TTC28: variants seen among roughly 807,000 people sequenced by gnomAD.
TTC28 encodes tetratricopeptide repeat protein 28.
TTC28 carries 61 observed loss-of-function variants against 198.0 expected under a neutral mutation model. That is an observed-to-expected ratio of 0.31 (90% CI 0.25 to 0.38). The LOEUF (loss-of-function observed/expected upper bound fraction) is 0.38. TTC28 is among the 10% of genes least tolerant of loss of function. The pLI is 1.00. For synonymous variants in TTC28, 1,171 were observed against 1,297.8 expected, an observed-to-expected ratio of 0.90 and a Z score of 2.10; for missense variants, 2,678 against 3,164.0, an observed-to-expected ratio of 0.85 and a Z score of 3.69.
In TTC28 at chr22:27,998,829, G is replaced by A. The variant is rs748297646; in HGVS notation, c.4830C>T (p.Asp1610=). Residue 1610 remains aspartate (D), a synonymous_variant, in exon 16 of 23, where the codon GAC becomes GAT. Transcript: ENST00000397906. ...TCACAGGCAGCTGCAGGTCCAGGAC[G>A]TCGGCGGCAGTAAGCAGCAGCTCCT... ...PLQELLLTAA[D]VLDLQLPVKL... 31 of 1,550,260 alleles carry A rather than the reference G, an allele frequency of 2.0e-5. No individual in the cohort carries two copies. The highest frequency in any genetic ancestry group is 1.6e-4 in the Admixed American group (8 of 50,992).
intron 5 of TTC28, among the ~76,000 whole-genome samples, chr22:28,217,481 T>G (rs1234517937): frequency 2.0e-5 from 3 of 152,200 alleles, no homozygotes; most frequent in Admixed American, 6.5e-5. Flanking sequence ...TATAATCTCC[T>G]AATATCAGGA....
At chr22:28,547,437 A>G (rs2049569304) in intron 2 of TTC28, among the ~76,000 whole-genome samples, 1 of 152,232 alleles carries the variant, frequency 6.6e-6, no homozygotes, top group African/African-American at 2.4e-5. Flanking sequence ...TCATTTCAAC[A>G]AAGTGGTTCT....
intron 2 of TTC28, among the ~76,000 whole-genome samples, chr22:28,310,861 C>T (rs958854556): frequency 6.6e-6 from 1 of 151,548 alleles, no homozygotes; most frequent in African/African-American, 2.4e-5. Context: ...CTCGCTGCAA[C>T]CTCCACCTCC....
chr22:28,604,295 A>T (rs1002122869), intron 2 of TTC28, among the ~76,000 whole-genome samples: 1 of 100,722 alleles, frequency 9.9e-6, no homozygotes, highest in Non-Finnish European at 2.0e-5. Flanking sequence ...AAAAAAAAAA[A>T]ATTATATATA....
intron 1 of TTC28, among the ~76,000 whole-genome samples, chr22:28,656,028 A>G (rs1324541941): frequency 6.6e-6 from 1 of 152,188 alleles, no homozygotes; most frequent in African/African-American, 2.4e-5. Context: ...GAATTTGTTA[A>G]CTGAGTTTGA....
chr22:28,154,614 C>G (rs1030221868), intron 6 of TTC28, among the ~76,000 whole-genome samples: 1 of 152,004 alleles, frequency 6.6e-6, no homozygotes, highest in African/African-American at 2.4e-5. Context: ...CCTCGGCCTC[C>G]CAAAGTGCTG....
intron 5 of TTC28, among the ~76,000 whole-genome samples, chr22:28,199,629 A>T (rs944803759): frequency 6.7e-6 from 1 of 149,336 alleles, no homozygotes; most frequent in Non-Finnish European, 1.5e-5. Flanking sequence ...TATGTTCATA[A>T]AACAAGCTCT....
chr22:28,457,860 G>A (rs951487674), intron 2 of TTC28, among the ~76,000 whole-genome samples: 8 of 151,878 alleles, frequency 5.3e-5, no homozygotes, highest in Admixed American at 2.6e-4. Context: ...AATTAACATC[G>A]TATTGTCCAG....
intron 6 of TTC28, among the ~76,000 whole-genome samples, chr22:28,151,858 G>A (rs6005726): frequency 0.038 from 5,828 of 152,164 alleles, 142 homozygotes; most frequent in East Asian, 0.053. Context: ...GCCCTTAATA[G>A]GAACTGCTTT....
chr22:28,405,221 C>T (rs1233366014), intron 2 of TTC28, among the ~76,000 whole-genome samples: 1 of 152,044 alleles, frequency 6.6e-6, no homozygotes, highest in Non-Finnish European at 1.5e-5. Flanking sequence ...TTAAAACATC[C>T]TATATACCTA....
chr22:28,217,253 CCTA>C (rs1313999855), intron 5 of TTC28, among the ~76,000 whole-genome samples: 1 of 151,732 alleles, frequency 6.6e-6, no homozygotes, highest in Non-Finnish European at 1.5e-5. Flanking sequence ...AATATATATA[CCTA>C]CTATGCACAT....
At chr22:28,633,242 T>C (rs901092052) in intron 1 of TTC28, among the ~76,000 whole-genome samples, 1 of 146,900 alleles carries the variant, frequency 6.8e-6, no homozygotes, top group African/African-American at 2.5e-5. Context: ...ATTGCACCAT[T>C]GCACTCCAGT....
Position 28,572,660 on chromosome 22 carries a change from A to T in TTC28, c.381+56892T>A, listed in dbSNP as rs145867789. Reference sequence around the variant, plus strand: ...AGATGGCAAAACTATAAAGAAAAATAAGAGAATGTTTTATTACAAACATAA... The same window carrying T: ...AGATGGCAAAACTATAAAGAAAAATTAGAGAATGTTTTATTACAAACATAA... On this transcript the variant is annotated intron_variant, in intron 2 of 22. Coordinates refer to ENST00000397906, the MANE Select transcript of TTC28 (RefSeq NM_001145418.2). Among the ~76,000 whole-genome samples the T allele has an allele frequency of 9.4e-4, 143 of 152,334 alleles. 1 individual carries two copies. Among genetic ancestry groups the T allele is most frequent in the African/African-American group, 2.3e-3 (97 of 41,576 alleles).
At chr22:28,463,491 T>C (rs935316103) in intron 2 of TTC28, among the ~76,000 whole-genome samples, 3 of 152,142 alleles carry the variant, frequency 2.0e-5, no homozygotes, top group East Asian at 1.9e-4. Context: ...CTACTCACAA[T>C]AGCAAAGACT....
chr22:28,475,082 A>G (rs695659), intron 2 of TTC28, among the ~76,000 whole-genome samples: 111,335 of 147,390 alleles, frequency 0.76, 42,164 homozygotes, highest in South Asian at 0.85. Flanking sequence ...CCCAGGAGGC[A>G]GAGCTTGCAG....
chr22:28,120,898 T>A (rs372983212), intron 6 of TTC28, among the ~76,000 whole-genome samples: 1 of 152,352 alleles, frequency 6.6e-6, no homozygotes, highest in East Asian at 1.9e-4. Flanking sequence ...TTGTGTGAAG[T>A]GTTCTAGCTA....
Position 28,629,745 on chromosome 22 carries a change from C to A in TTC28, c.188G>T (p.Arg63Leu), listed in dbSNP as rs373441958. The change falls in exon 2 of 23, where the codon CGT (arginine) becomes CTT (leucine). Residue 63 changes from arginine (R) to leucine (L), a missense_variant. Arg to Leu is a moderately radical substitution (Grantham distance 102). Around this residue, in one of 8 missense-constraint regions of TTC28, gnomAD observed 176 missense variants for 197.9 expected, o/e 0.89. Coordinates refer to ENST00000397906, the MANE Select transcript of TTC28 (RefSeq NM_001145418.2). The part of the protein sequence containing the change: ...LSKAEFVEKV[R>L]QSNQACHDGD... Reference sequence around the variant, plus strand: ...ATCATGACAGGCCTGATTACTCTGACGAACTTTCTCAACAAATTCAGCTTT... The same window carrying A: ...ATCATGACAGGCCTGATTACTCTGAAGAACTTTCTCAACAAATTCAGCTTT... 2 of 1,551,552 alleles carry A rather than the reference C, an allele frequency of 1.3e-6. No homozygotes were observed. Among genetic ancestry groups the A allele is most frequent in the African/African-American group, 1.4e-5 (1 of 73,026 alleles).
At chr22:28,339,527 A>G (rs1371519061) in intron 2 of TTC28, among the ~76,000 whole-genome samples, 2 of 152,276 alleles carry the variant, frequency 1.3e-5, no homozygotes, top group Admixed American at 6.5e-5. Flanking sequence ...CTTGAGCTAC[A>G]GTGGGCTCCA....
chr22:28,255,040 A>G (rs1930800281), intron 5 of TTC28, among the ~76,000 whole-genome samples: 1 of 152,226 alleles, frequency 6.6e-6, no homozygotes, highest in African/African-American at 2.4e-5. Flanking sequence ...ATCTCAAACC[A>G]CAAAATAAAC....
Sources: gnomAD v4.1 joint callset for allele counts (sites outside exome capture counted in the v4.1 genomes callset) on GRCh38, gnomAD v4.1.1 for gene constraint, gnomAD v4.1.1 regional missense constraint, MANE v1.5 for transcripts, NCBI Gene and HGNC (gene_info 2026-07-23, HGNC 2026-07-21) for gene names.